The following ACAD9 variants were observed in gnomAD, a reference collection of about 807,000 sequenced individuals.
ACAD9 encodes complex I assembly factor ACAD9, mitochondrial.
Under a neutral mutation model 70.2 loss-of-function variants are expected in ACAD9, and 53 were observed. The observed-to-expected ratio is 0.75, with a 90% confidence interval of 0.61 to 0.95. ACAD9 has a LOEUF of 0.95. Among genes scored for constraint, ACAD9 ranks in the 40% least tolerant of loss-of-function variants. The probability of loss-of-function intolerance (pLI) is 0.00; values close to 1 mark genes in which losing one functional copy is unlikely to be tolerated. For synonymous variants in ACAD9, 313 were observed against 312.1 expected, an observed-to-expected ratio of 1.00 and a Z score of -0.03; for missense variants, 777 against 802.8, an observed-to-expected ratio of 0.97 and a Z score of 0.39.
intron 10 of ACAD9, 33 bp downstream of exon 10, chr3:128,904,165 T>G: frequency 6.2e-7 from 1 of 1,609,618 alleles, no homozygotes; most frequent in Non-Finnish European, 8.5e-7. Context: ...TTTGTGCATT[T>G]CACTGTGTGA....
At chr3:128,912,459 T>C (rs1936441352) in intron 17 of ACAD9, 48 bp from the exon 18 acceptor site, 1 of 1,555,532 alleles carries the variant, frequency 6.4e-7, no homozygotes, top group Non-Finnish European at 8.9e-7. Flanking sequence ...ATGTTTGTCT[T>C]ATCACGGTGC....
rs1935545853 is a variant in ACAD9 at position 128,895,488 on chromosome 3, G to A, written c.453+72G>A. ...GAGTCACATGGAGGCATAGAGGCCA[G>A]AGGCTTGCTCCCTCTGAATTGGGCC... On this transcript the variant is annotated intron_variant, in intron 4 of 17. Coordinates refer to ENST00000308982, the MANE Select transcript of ACAD9 (RefSeq NM_014049.5). The A allele has an allele frequency of 2.1e-6, 3 of 1,403,144 alleles. No homozygotes were observed. In the Admixed American group the frequency reaches 5.9e-5, roughly 28 times the overall value. 86.9% of individuals were successfully genotyped at this position (1,403,144 alleles called of 1,614,324 possible). A position where few individuals can be genotyped will look rare whatever the true frequency, so the allele number is the denominator to read the frequency against.
intron 6 of ACAD9, among the ~76,000 whole-genome samples, chr3:128,898,229 C>G (rs1342712487): frequency 2.0e-5 from 3 of 152,148 alleles, no homozygotes; most frequent in African/African-American, 4.8e-5. Context: ...CTGGCTGGCC[C>G]TAACTCCGGC....
intron 2 of ACAD9, among the ~76,000 whole-genome samples, chr3:128,890,356 G>A (rs1319689267): frequency 6.6e-6 from 1 of 152,094 alleles, no homozygotes; most frequent in Non-Finnish European, 1.5e-5. Flanking sequence ...ATAGTGCTCG[G>A]ATTACAGGTG....
At chr3:128,911,687 C>T (rs1462128371) in intron 17 of ACAD9, among the ~76,000 whole-genome samples, 1 of 152,212 alleles carries the variant, frequency 6.6e-6, no homozygotes, top group African/African-American at 2.4e-5. Flanking sequence ...GGTGATCCGC[C>T]CACCTTGGCC....
rs2107654146 is a variant in ACAD9 at position 128,899,528 on chromosome 3, G to C, written c.808+67G>C. On this transcript the variant is annotated intron_variant, in intron 7 of 17. Transcript: ENST00000308982. ...GGGGGAGACTGGCCTTTGACGGTGTGTGTGTGTGTGTGTGTGTGTGTGTGT... is the reference window on the plus strand; with the variant it reads ...GGGGGAGACTGGCCTTTGACGGTGTCTGTGTGTGTGTGTGTGTGTGTGTGT... 6 of 1,073,774 alleles carry C rather than the reference G, an allele frequency of 5.6e-6. No homozygotes were observed. The South Asian group carries it at 7.9e-5, about 14-fold the overall frequency. The allele number at this position is 1,073,774 out of a possible 1,614,324, so 66.5% of individuals were successfully genotyped here.
intron 1 of ACAD9, chr3:128,880,216 T>TAA (rs1175372989): frequency 6.7e-4 from 264 of 394,330 alleles, no homozygotes; most frequent in African/African-American, 5.2e-3. Context: ...CTCAGTCACC[T>TAA]TCCAGCGCCC....
chr3:128,882,800 T>C (rs550535413), intron 1 of ACAD9, among the ~76,000 whole-genome samples: 1 of 152,332 alleles, frequency 6.6e-6, no homozygotes, highest in African/African-American at 2.4e-5. Context: ...TTTATTGCAA[T>C]TGAACTCTCC....
At chr3:128,899,744 G>T (rs1441653349) in intron 7 of ACAD9, among the ~76,000 whole-genome samples, 23 of 152,236 alleles carry the variant, frequency 1.5e-4, no homozygotes, top group Admixed American at 1.5e-3. Flanking sequence ...TGCTGTAGCT[G>T]CCCTAGCAGA....
chr3:128,901,677 T>C (rs1482829542), intron 8 of ACAD9, among the ~76,000 whole-genome samples: 1 of 152,268 alleles, frequency 6.6e-6, no homozygotes, highest in Admixed American at 6.5e-5. Flanking sequence ...AACCCTGGTC[T>C]GCATCGCTGC....
intron 13 of ACAD9, 144 bp downstream of exon 13, chr3:128,908,408 T>C: frequency 2.0e-6 from 2 of 985,072 alleles, no homozygotes; most frequent in South Asian, 1.3e-5. Context: ...GACCTTCCCC[T>C]GTGGTAGTGG....
chr3:128,910,112 G>T lies in ACAD9; in HGVS notation c.1655G>T (p.Arg552Leu). Reference protein sequence around the residue: ...GMTAVLSRASRSIRIGLRNHD... With the variant: ...GMTAVLSRASLSIRIGLRNHD... ...ACGGCCGTGCTGTCGCGGGCCAGCC[G>T]CTCCATCCGCATTGGGCTCCGCAAC... Residue 552 changes from arginine to leucine, a missense_variant, in exon 16 of 18, where the codon CGC (arginine) becomes CTC (leucine). Transcript: ENST00000308982. 1 of 1,613,992 alleles carries T rather than the reference G, an allele frequency of 6.2e-7. No individual in the cohort carries two copies. The highest frequency in any genetic ancestry group is 8.5e-7 in the Non-Finnish European group (1 of 1,180,038).
intron 6 of ACAD9, chr3:128,898,401 A>C (rs1420641893): frequency 2.2e-6 from 1 of 452,462 alleles, no homozygotes; most frequent in Non-Finnish European, 4.4e-6. Flanking sequence ...CATTTTAAAA[A>C]TTGATAATTT....
intron 1 of ACAD9, among the ~76,000 whole-genome samples, chr3:128,881,274 G>C (rs1043532555): frequency 6.6e-6 from 1 of 152,172 alleles, no homozygotes; most frequent in African/African-American, 2.4e-5. Context: ...AAAGAACACA[G>C]ATCTTTCAGA....
At chr3:128,889,166 TAA>T (rs567559276) in intron 2 of ACAD9, among the ~76,000 whole-genome samples, 1 of 141,842 alleles carries the variant, frequency 7.1e-6, no homozygotes, top group Non-Finnish European at 1.5e-5. Context: ...TTGTTTTCCT[TAA>T]AAAAAAAAAA....
At chr3:128,880,201 C>T (rs1935046761) in intron 1 of ACAD9, 7 of 434,984 alleles carry the variant, frequency 1.6e-5, no homozygotes, top group Non-Finnish European at 2.4e-5. Flanking sequence ...TACACCATGT[C>T]CCTCCTCAGT....
intron 13 of ACAD9, 95 bp from the exon 14 acceptor site, chr3:128,908,878 G>A (rs1936003979): frequency 6.3e-7 from 1 of 1,595,212 alleles, no homozygotes; most frequent in African/African-American, 1.3e-5. Flanking sequence ...GGCCAGAGGG[G>A]GGCACGGAGC....
intron 7 of ACAD9, 92 bp from the exon 8 acceptor site, chr3:128,901,172 TTGGATGGATGGA>T (rs370353055): frequency 1.1e-4 from 114 of 1,076,536 alleles, no homozygotes; most frequent in East Asian, 9.9e-4. Context: ...CTACCAAACA[TTGGATGGATGGA>T]TGGATGGATG....
chr3:128,902,688 C>G lies in ACAD9; in HGVS notation c.958+60C>G. 6.4e-7 allele frequency: 1 copy of G among 1,565,460 alleles called. No homozygotes were observed. The highest frequency in any genetic ancestry group is 8.8e-7 in the Non-Finnish European group (1 of 1,142,706). On this transcript the variant is annotated intron_variant, in intron 9 of 17. Coordinates refer to ENST00000308982, the MANE Select transcript of ACAD9 (RefSeq NM_014049.5). This position sits in a 1 kb window ranked among gnomAD's most constrained non-coding sequence, Gnocchi z 4.0. ...ACCCCCTGCTGCCCCGGCTCCAACC[C>G]TGGAGGCTCTGCCATTCCCCCGGCC... is the stretch of plus-strand genomic sequence containing the variant.
Sources: gnomAD v4.1 joint callset for allele counts (sites outside exome capture counted in the v4.1 genomes callset) on GRCh38, gnomAD v4.1.1 for gene constraint, Gnocchi (gnomAD v3.1) non-coding constraint, MANE v1.5 for transcripts, NCBI Gene and HGNC (gene_info 2026-07-23, HGNC 2026-07-21) for gene names.